CLEC2A: variants seen among roughly 807,000 people sequenced by gnomAD.
CLEC2A encodes the protein C-type lectin domain family 2 member A.
In CLEC2A, 19 loss-of-function variants were observed where a neutral mutation model predicts 18.6. That is an observed-to-expected ratio of 1.02 (90% CI 0.71 to 1.50). The LOEUF (loss-of-function observed/expected upper bound fraction) is 1.50, where lower values mean the gene tolerates loss of function less well. Among genes scored for constraint, CLEC2A ranks in the 40% most tolerant of loss-of-function variants. CLEC2A has a pLI of 0.00. For synonymous variants in CLEC2A, 74 were observed against 64.0 expected (o/e 1.16, Z -0.75); for missense variants, 190 against 207.9 (o/e 0.91, Z 0.53).
At chr12:9,919,936 C>T (rs1399047443) in intron 3 of CLEC2A, among the ~76,000 whole-genome samples, 1 of 152,186 alleles carries the variant, frequency 6.6e-6, no homozygotes, top group Admixed American at 6.5e-5. Context: ...TACCCACTTA[C>T]AAGGGCAGTC....
At chr12:9,883,425 CTCT>C in the CLEC2A span, among the ~76,000 whole-genome samples, 2 of 152,198 alleles carry the variant, frequency 1.3e-5, no homozygotes, top group African/African-American at 2.4e-5. Flanking sequence ...GTACTCAGCT[CTCT>C]GTTCACCTGG....
intron 4 of CLEC2A, among the ~76,000 whole-genome samples, chr12:9,907,766 C>A (rs1329095071): frequency 6.6e-6 from 1 of 152,160 alleles, no homozygotes; most frequent in African/African-American, 2.4e-5. Context: ...ACCCTTGGGG[C>A]AAAACTATCC....
the CLEC2A span, among the ~76,000 whole-genome samples, chr12:9,881,942 T>C: frequency 1.3e-5 from 2 of 152,098 alleles, no homozygotes; most frequent in East Asian, 3.8e-4. Context: ...GCTGAAAAAT[T>C]GTGTTTTTAC....
downstream of CLEC2A, among the ~76,000 whole-genome samples, chr12:9,896,858 AT>A (rs764556099): frequency 0.042 from 5,764 of 135,880 alleles, 87 homozygotes; most frequent in African/African-American, 0.078. Flanking sequence ...CAGTCTCTTA[AT>A]TTTTTTTTTT....
the CLEC2A span, chr12:9,881,737 A>G: frequency 9.3e-7 from 1 of 1,071,000 alleles, no homozygotes; most frequent in Non-Finnish European, 1.4e-6. Flanking sequence ...ATCTTAGAAT[A>G]TTTTTAACAT....
the CLEC2A span, among the ~76,000 whole-genome samples, chr12:9,887,791 C>T: frequency 6.7e-6 from 1 of 149,150 alleles, no homozygotes; most frequent in Non-Finnish European, 1.5e-5. Context: ...GGAGCTCATG[C>T]CTGTAATCCC....
intron 1 of CLEC2A, among the ~76,000 whole-genome samples, chr12:9,928,649 G>A (rs1376776808): frequency 6.6e-6 from 1 of 152,090 alleles, no homozygotes; most frequent in African/African-American, 2.4e-5. Flanking sequence ...GTAGTTTAGA[G>A]ATATAGTACA....
chr12:9,922,767 T>C (rs1300421702), intron 2 of CLEC2A, among the ~76,000 whole-genome samples: 1 of 152,232 alleles, frequency 6.6e-6, no homozygotes, highest in African/African-American at 2.4e-5. Flanking sequence ...GGAGATTTAC[T>C]GTCTCAAGGT....
intron 1 of CLEC2A, among the ~76,000 whole-genome samples, chr12:9,929,038 A>G (rs1428518398): frequency 6.6e-6 from 1 of 152,198 alleles, no homozygotes; most frequent in African/African-American, 2.4e-5. Flanking sequence ...TGACAACAAA[A>G]AAAAAGCTGA....
intron 4 of CLEC2A, among the ~76,000 whole-genome samples, chr12:9,904,296 G>A (rs574173809): frequency 6.6e-6 from 1 of 152,308 alleles, no homozygotes; most frequent in Non-Finnish European, 1.5e-5. Context: ...TGTTGGGAGA[G>A]AGCTACCTTA....
chr12:9,895,166 C>G (rs1305299299), downstream of CLEC2A, among the ~76,000 whole-genome samples: 1 of 152,182 alleles, frequency 6.6e-6, no homozygotes, highest in East Asian at 1.9e-4. Flanking sequence ...GCGACTGCCT[C>G]CCAACTCACA....
downstream of CLEC2A, among the ~76,000 whole-genome samples, chr12:9,908,409 C>T (rs1487168984): frequency 6.6e-6 from 1 of 152,198 alleles, no homozygotes; most frequent in Non-Finnish European, 1.5e-5. Flanking sequence ...TTTATACTGA[C>T]TTCTGTTTCT....
intron 1 of CLEC2A, among the ~76,000 whole-genome samples, chr12:9,926,565 A>G (rs1292285691): frequency 6.6e-6 from 1 of 152,186 alleles, no homozygotes; most frequent in Non-Finnish European, 1.5e-5. Flanking sequence ...GTGAGTGGAG[A>G]AATCACTGAG....
chr12:9,885,295 T>C, the CLEC2A span, among the ~76,000 whole-genome samples: 1 of 150,236 alleles, frequency 6.7e-6, no homozygotes, highest in Non-Finnish European at 1.5e-5. Flanking sequence ...TAAAAGAGTA[T>C]GTGCTCATTG....
At chr12:9,919,186 T>C (rs576208015) in intron 3 of CLEC2A, among the ~76,000 whole-genome samples, 1 of 152,312 alleles carries the variant, frequency 6.6e-6, no homozygotes, top group Admixed American at 6.5e-5. Flanking sequence ...TCTTGGGTGA[T>C]CTCAGTGTTT....
downstream of CLEC2A, chr12:9,895,552 T>C: frequency 1.4e-6 from 1 of 718,576 alleles, no homozygotes; most frequent in Non-Finnish European, 2.2e-6. Flanking sequence ...GCATTAGCAA[T>C]GAAAATTCCA....
At chr12:9,899,032 A>T in intron 4 of CLEC2A, 2 of 694,090 alleles carry the variant, frequency 2.9e-6, no homozygotes, top group Admixed American at 4.0e-5. Flanking sequence ...AAAACGAAAC[A>T]AAACAAGGGG....
chr12:9,908,617 C>T (rs1271954388), downstream of CLEC2A, among the ~76,000 whole-genome samples: 1 of 152,128 alleles, frequency 6.6e-6, no homozygotes, highest in Non-Finnish European at 1.5e-5. Context: ...GAGACAGAGC[C>T]CCTGGCCCCC....
At chr12:9,879,431 A>G in the CLEC2A span, among the ~76,000 whole-genome samples, 1 of 152,212 alleles carries the variant, frequency 6.6e-6, no homozygotes, top group African/African-American at 2.4e-5. Context: ...TTATTCCCCA[A>G]CACCTAAACC....
Sources: allele counts gnomAD v4.1 joint callset (sites outside exome capture counted in the v4.1 genomes callset), GRCh38; gene constraint gnomAD v4.1.1; transcripts MANE v1.5; gene names NCBI Gene and HGNC (gene_info 2026-07-23, HGNC 2026-07-21).